FARP2: variants seen among roughly 807,000 people sequenced by gnomAD.
FARP2 encodes FERM, ARHGEF and pleckstrin domain-containing protein 2.
Under a neutral mutation model 130.5 loss-of-function variants are expected in FARP2, and 111 were observed. The ratio of observed to expected loss-of-function variants is 0.85; its 90% confidence interval spans 0.73 to 1.00. The LOEUF (loss-of-function observed/expected upper bound fraction) is 1.00. Ranked by LOEUF, FARP2 falls within the 50% of genes least tolerant of loss-of-function variation. FARP2 has a pLI of 0.00. For missense variants in FARP2, 1,385 were observed against 1,346.3 expected (o/e 1.03, Z -0.45); for synonymous variants, 504 against 516.9 (o/e 0.98, Z 0.34).
At chr2:241,486,722 C>A (rs2064763061) in intron 21 of FARP2, among the ~76,000 whole-genome samples, 1 of 152,164 alleles carries the variant, frequency 6.6e-6, no homozygotes, top group Admixed American at 6.5e-5. Context: ...TTCTGCACAT[C>A]CTTAATTATG....
At chr2:241,483,932 TG>T in intron 20 of FARP2, 1 of 985,450 alleles carries the variant, frequency 1.0e-6, no homozygotes, top group Non-Finnish European at 1.2e-6. Context: ...TACCAGTTAG[TG>T]GGTTCCAGCC....
At chr2:241,441,720 C>A in intron 13 of FARP2, 164 bp downstream of exon 13, 1 of 1,058,372 alleles carries the variant, frequency 9.4e-7, no homozygotes, top group Non-Finnish European at 1.4e-6. Flanking sequence ...CATTTCCTTC[C>A]GGTGGGGAGC....
chr2:241,488,322 T>A (rs1409515689), intron 21 of FARP2: 2 of 152,144 alleles, frequency 1.3e-5, no homozygotes, highest in Non-Finnish European at 2.9e-5. Context: ...GCTCAGGAAG[T>A]TCTTCCCCAT....
chr2:241,492,696 T>C (rs150527182), intron 24 of FARP2: 189 of 494,466 alleles, frequency 3.8e-4, no homozygotes, highest in African/African-American at 3.3e-3. Flanking sequence ...GACTTTATTG[T>C]GCACAGGGAA....
At chr2:241,372,709 G>T (rs576525001) in intron 1 of FARP2, 1 of 154,370 alleles carries the variant, frequency 6.5e-6, no homozygotes, top group African/African-American at 2.4e-5. Context: ...GGCGAGAGGT[G>T]TGCCAGGGAG....
In FARP2 at chr2:241,366,295, A is replaced by G. The variant is rs192834198; in HGVS notation, c.-24-6789A>G. On this transcript the variant is annotated intron_variant, in intron 1 of 26. Coordinates refer to ENST00000264042, the MANE Select transcript of FARP2 (RefSeq NM_014808.4). ...ATGTTAAATTGGATGGCTTCATACCATCCCCCACAGAAGTGTTGAGAATCA... is the reference window on the plus strand; with the variant it reads ...ATGTTAAATTGGATGGCTTCATACCGTCCCCCACAGAAGTGTTGAGAATCA... 3.8e-3 allele frequency among the ~76,000 whole-genome samples: 576 copies of G among 151,562 alleles called. 5 individuals are homozygous for G. Among genetic ancestry groups the G allele is most frequent in the Non-Finnish European group, 6.6e-3 (448 of 67,956 alleles).
At chr2:241,414,692 C>T (rs1165375512) in intron 7 of FARP2, among the ~76,000 whole-genome samples, 4 of 152,126 alleles carry the variant, frequency 2.6e-5, no homozygotes, top group South Asian at 2.1e-4. Context: ...TTTGTGTGCC[C>T]GACAGCATGG....
chr2:241,375,783 G>C (rs1470690250), intron 2 of FARP2, among the ~76,000 whole-genome samples: 1 of 151,766 alleles, frequency 6.6e-6, no homozygotes, highest in Non-Finnish European at 1.5e-5. Flanking sequence ...TTAAGAGACA[G>C]GATCTTGCTA....
intron 1 of FARP2, among the ~76,000 whole-genome samples, chr2:241,358,397 T>G (rs996882638): frequency 6.6e-6 from 1 of 152,218 alleles, no homozygotes; most frequent in Non-Finnish European, 1.5e-5. Flanking sequence ...GAGGGAATGG[T>G]ATGAACTGGA....
intron 16 of FARP2, 178 bp from the exon 17 acceptor site, chr2:241,463,721 G>A: frequency 4.4e-6 from 3 of 681,466 alleles, no homozygotes; most frequent in Non-Finnish European, 4.9e-6. Context: ...TTAGAGAATG[G>A]CCAGACACAT....
chr2:241,404,340 A>G (rs1323139955), intron 3 of FARP2, among the ~76,000 whole-genome samples: 1 of 152,216 alleles, frequency 6.6e-6, no homozygotes, highest in African/African-American at 2.4e-5. Context: ...TTCAAAAAGC[A>G]TGTCAGCGTT....
At chr2:241,382,026 A>G (rs1403655520) in intron 2 of FARP2, among the ~76,000 whole-genome samples, 11 of 152,194 alleles carry the variant, frequency 7.2e-5, no homozygotes, top group Admixed American at 7.2e-4. Context: ...TACCATTAAT[A>G]CTTGTACGCT....
At chr2:241,428,545 A>G (rs933537961) in intron 8 of FARP2, among the ~76,000 whole-genome samples, 1 of 152,054 alleles carries the variant, frequency 6.6e-6, no homozygotes, top group African/African-American at 2.4e-5. Flanking sequence ...TGTTGGGGCA[A>G]TATTTTGGGA....
intron 12 of FARP2, 112 bp downstream of exon 12, chr2:241,436,650 C>A: frequency 2.2e-6 from 2 of 904,874 alleles, no homozygotes; most frequent in South Asian, 1.4e-5. Context: ...TTATTTAATG[C>A]AGCAATTGTA....
chr2:241,449,604 G>C (rs1430081047), intron 13 of FARP2, among the ~76,000 whole-genome samples: 1 of 152,160 alleles, frequency 6.6e-6, no homozygotes, highest in Non-Finnish European at 1.5e-5. Flanking sequence ...GTGAAGGTAA[G>C]CACAAAAGTT....
intron 2 of FARP2, among the ~76,000 whole-genome samples, chr2:241,382,960 T>C (rs2061696572): frequency 6.6e-6 from 1 of 152,174 alleles, no homozygotes. Context: ...CTGAATACAT[T>C]GTGTTGGAAG....
At chr2:241,470,272 T>G (rs2064273373) in intron 18 of FARP2, among the ~76,000 whole-genome samples, 1 of 152,262 alleles carries the variant, frequency 6.6e-6, no homozygotes, top group Non-Finnish European at 1.5e-5. Flanking sequence ...CCAAGGGTGC[T>G]GGATGTTAAG....
At chr2:241,485,690 C>G (rs1024352742) in intron 21 of FARP2, among the ~76,000 whole-genome samples, 9 of 143,246 alleles carry the variant, frequency 6.3e-5, no homozygotes, top group Admixed American at 2.1e-4. Context: ...TTCCTGGGAT[C>G]TCCCTCCCTG....
chr2:241,412,769 A>G (rs886526319), intron 6 of FARP2, among the ~76,000 whole-genome samples: 5 of 152,204 alleles, frequency 3.3e-5, no homozygotes, highest in Non-Finnish European at 5.9e-5. Context: ...GCTCATGCCT[A>G]TATTCCCAGC....
Sources: gnomAD v4.1 joint callset for allele counts (sites outside exome capture counted in the v4.1 genomes callset) on GRCh38, gnomAD v4.1.1 for gene constraint, MANE v1.5 for transcripts, NCBI Gene and HGNC (gene_info 2026-07-23, HGNC 2026-07-21) for gene names.